PCDH9: variants seen among roughly 807,000 people sequenced by gnomAD.
The protein encoded by PCDH9 is protocadherin-9.
In PCDH9, 24 loss-of-function variants were observed where a neutral mutation model predicts 70.6. The ratio of observed to expected loss-of-function variants is 0.34; its 90% CI spans 0.25 to 0.48. The LOEUF (loss-of-function observed/expected upper bound fraction) is 0.48. PCDH9 is among the 20% of genes least tolerant of loss of function. The probability of loss-of-function intolerance (pLI) is 0.99; values close to 1 mark genes in which losing one functional copy is unlikely to be tolerated. For missense variants in PCDH9, 1,281 were observed against 1,503.6 expected (o/e 0.85, Z 2.45); for synonymous variants, 562 against 558.5 (o/e 1.01, Z -0.09).
intron 3 of PCDH9, among the ~76,000 whole-genome samples, chr13:66,876,006 C>T (rs958036892): frequency 1.3e-5 from 2 of 152,148 alleles, no homozygotes; most frequent in Non-Finnish European, 2.9e-5. Context: ...TTAGATACTG[C>T]TGACCATCAA....
At chr13:66,561,941 G>T (rs143815156) in intron 4 of PCDH9, among the ~76,000 whole-genome samples, 4,654 of 152,010 alleles carry the variant, frequency 0.031, 218 homozygotes, top group African/African-American at 0.11. Flanking sequence ...CACTCTTTGG[G>T]TCCACACTGC....
At chr13:67,170,420 T>C (rs971569798) in intron 2 of PCDH9, among the ~76,000 whole-genome samples, 6 of 152,206 alleles carry the variant, frequency 3.9e-5, no homozygotes, top group Non-Finnish European at 7.3e-5. Flanking sequence ...GTAAACTCTA[T>C]GGTAAAAGGA....
At chr13:66,800,493 G>A (rs1414122072) in intron 3 of PCDH9, among the ~76,000 whole-genome samples, 11 of 151,908 alleles carry the variant, frequency 7.2e-5, no homozygotes, top group African/African-American at 1.7e-4. Context: ...GCACCCTCAT[G>A]TAAGCACCAA....
At chr13:66,483,932 C>A (rs1309270438) in intron 4 of PCDH9, among the ~76,000 whole-genome samples, 1 of 152,036 alleles carries the variant, frequency 6.6e-6, no homozygotes, top group African/African-American at 2.4e-5. Context: ...TGTTGTATGG[C>A]AATCGGACAT....
intron 2 of PCDH9, among the ~76,000 whole-genome samples, chr13:66,903,881 C>T (rs915608071): frequency 9.9e-5 from 15 of 151,874 alleles, no homozygotes; most frequent in Non-Finnish European, 2.2e-4. Context: ...TTATTTATTA[C>T]ATTTATGACT....
At chr13:66,944,087 T>C (rs1207496887) in intron 2 of PCDH9, among the ~76,000 whole-genome samples, 1 of 152,166 alleles carries the variant, frequency 6.6e-6, no homozygotes, top group African/African-American at 2.4e-5. Flanking sequence ...TTAAGTAATT[T>C]ATCAAACATA....
At chr13:66,715,677 C>T (rs2078858666) in intron 3 of PCDH9, among the ~76,000 whole-genome samples, 1 of 152,132 alleles carries the variant, frequency 6.6e-6, no homozygotes, top group African/African-American at 2.4e-5. Context: ...TCTACTTCCC[C>T]ATAATAAAAT....
At chr13:66,778,698 C>G (rs1158277944) in intron 3 of PCDH9, among the ~76,000 whole-genome samples, 1 of 152,216 alleles carries the variant, frequency 6.6e-6, no homozygotes, top group Non-Finnish European at 1.5e-5. Context: ...TAAGTCCAGA[C>G]TACACATATG....
At chr13:67,126,678 A>G (rs1291490379) in intron 2 of PCDH9, among the ~76,000 whole-genome samples, 2 of 152,114 alleles carry the variant, frequency 1.3e-5, no homozygotes, top group East Asian at 1.9e-4. Context: ...GTGAAACCCC[A>G]TCTCTACTAA....
chr13:66,850,308 C>G (rs929413865), intron 3 of PCDH9, among the ~76,000 whole-genome samples: 1 of 152,098 alleles, frequency 6.6e-6, no homozygotes, highest in African/African-American at 2.4e-5. Context: ...CACCTGAGGT[C>G]AGGAGTTCAA....
At chr13:66,574,629 A>C (rs1458666077) in intron 4 of PCDH9, among the ~76,000 whole-genome samples, 1 of 152,214 alleles carries the variant, frequency 6.6e-6, no homozygotes, top group African/African-American at 2.4e-5. Flanking sequence ...AGATGAAATC[A>C]TATCTGTCCT....
At chr13:66,992,540 C>A (rs1227995833) in intron 2 of PCDH9, among the ~76,000 whole-genome samples, 2 of 152,312 alleles carry the variant, frequency 1.3e-5, no homozygotes, top group Admixed American at 6.5e-5. Context: ...CAGCACACTT[C>A]TGTTGGAAGA....
At chr13:66,893,911 C>A (rs1199714747) in intron 3 of PCDH9, among the ~76,000 whole-genome samples, 1 of 152,128 alleles carries the variant, frequency 6.6e-6, no homozygotes, top group Admixed American at 6.6e-5. Context: ...GGTTGCAAGA[C>A]ATTAATTTCA....
At chr13:66,692,994 T>A (rs1292549384) in intron 3 of PCDH9, among the ~76,000 whole-genome samples, 1 of 152,128 alleles carries the variant, frequency 6.6e-6, no homozygotes, top group Non-Finnish European at 1.5e-5. Flanking sequence ...CAACAATATC[T>A]ATTATCAAAA....
At chr13:66,429,141 A>G (rs1412304689) in intron 4 of PCDH9, among the ~76,000 whole-genome samples, 1 of 151,870 alleles carries the variant, frequency 6.6e-6, no homozygotes, top group Non-Finnish European at 1.5e-5. Context: ...ATGCTCATAC[A>G]GTAAAATTCA....
chr13:67,113,722 T>A (rs1375730309), intron 2 of PCDH9, among the ~76,000 whole-genome samples: 1 of 152,086 alleles, frequency 6.6e-6, no homozygotes, highest in Non-Finnish European at 1.5e-5. Context: ...TAATTTTTTG[T>A]ATTTTTAGTA....
chr13:66,581,367 G>A (rs112521700), intron 4 of PCDH9, among the ~76,000 whole-genome samples: 40 of 152,260 alleles, frequency 2.6e-4, no homozygotes, highest in African/African-American at 7.9e-4. Flanking sequence ...GCTATGTGAA[G>A]GTTTCTTGCA....
chr13:67,065,508 TATA>T (rs942003941), intron 2 of PCDH9, among the ~76,000 whole-genome samples: 13 of 152,192 alleles, frequency 8.5e-5, no homozygotes, highest in African/African-American at 3.1e-4. Context: ...TGAATCATAT[TATA>T]ATGATACATG....
intron 4 of PCDH9, among the ~76,000 whole-genome samples, chr13:66,486,484 A>T (rs879413743): frequency 7.9e-5 from 12 of 151,790 alleles, no homozygotes; most frequent in Non-Finnish European, 1.0e-4. Context: ...AAAATAAAAA[A>T]AATTAGCCAG....
Sources: allele counts gnomAD v4.1 joint callset (sites outside exome capture counted in the v4.1 genomes callset), GRCh38; gene constraint gnomAD v4.1.1; transcripts MANE v1.5; gene names NCBI Gene and HGNC (gene_info 2026-07-23, HGNC 2026-07-21).